The following PRKG1 variants were observed in gnomAD, a reference collection of about 807,000 sequenced individuals.
PRKG1 encodes the protein cGMP-dependent protein kinase 1.
Under a neutral mutation model 88.1 loss-of-function variants are expected in PRKG1, and 35 were observed. The observed-to-expected ratio is 0.40, with a 90% CI of 0.30 to 0.53. PRKG1 has a LOEUF of 0.53. Among genes scored for constraint, PRKG1 ranks in the 20% least tolerant of loss-of-function variants. The probability of loss-of-function intolerance (pLI) is 0.59; values close to 1 mark genes in which losing one functional copy is unlikely to be tolerated. For missense variants in PRKG1, 540 were observed against 839.8 expected, an observed-to-expected ratio of 0.64 and a Z score of 4.41; for synonymous variants, 303 against 292.5, an observed-to-expected ratio of 1.04 and a Z score of -0.37.
At chr10:51,631,884 A>C (rs548604038) in intron 3 of PRKG1, among the ~76,000 whole-genome samples, 2 of 152,146 alleles carry the variant, frequency 1.3e-5, no homozygotes, top group Admixed American at 1.3e-4. Flanking sequence ...TGTAACCAGT[A>C]CCTCTCCATG....
intron 3 of PRKG1, among the ~76,000 whole-genome samples, chr10:51,741,691 A>G (rs181719435): frequency 8.6e-4 from 130 of 151,418 alleles, no homozygotes; most frequent in African/African-American, 2.9e-3. Context: ...GGAGGGGAAT[A>G]TGGCTAGGAG....
rs191021046 is a variant in PRKG1 at position 51,706,710 on chromosome 10, T to C, written c.593-97875T>C. On this transcript the variant is annotated intron_variant, in intron 3 of 17. Coordinates refer to ENST00000373980, the MANE Select transcript of PRKG1 (RefSeq NM_006258.4). ...GGAATTAAGAGCACAGAGATTTTAA[T>C]GTCAGAATGACTTAGATTGGCTACC... 5.0e-3 allele frequency among the ~76,000 whole-genome samples: 762 copies of C among 152,310 alleles called. 8 individuals are homozygous for C. The highest frequency in any genetic ancestry group is 7.1e-3 in the Non-Finnish European group (480 of 68,024).
intron 4 of PRKG1, among the ~76,000 whole-genome samples, chr10:51,887,410 T>C (rs1295247982): frequency 6.6e-6 from 1 of 152,244 alleles, no homozygotes; most frequent in East Asian, 1.9e-4. Flanking sequence ...ATCTGAACTT[T>C]GATTCTTTTG....
chr10:51,053,221 C>G (rs1036795735), intron 1 of PRKG1, among the ~76,000 whole-genome samples: 31 of 147,390 alleles, frequency 2.1e-4, no homozygotes. Flanking sequence ...TAGCGCAAGA[C>G]TCTTGTCTCA....
chr10:52,234,189 G>A (rs1465652986), intron 9 of PRKG1, among the ~76,000 whole-genome samples: 1 of 152,110 alleles, frequency 6.6e-6, no homozygotes, highest in Non-Finnish European at 1.5e-5. Flanking sequence ...AAGACCAAAA[G>A]TAGATAAAAC....
At chr10:52,003,963 A>G (rs1844663985) in intron 5 of PRKG1, among the ~76,000 whole-genome samples, 1 of 152,184 alleles carries the variant, frequency 6.6e-6, no homozygotes, top group Non-Finnish European at 1.5e-5. Context: ...CAGTTTTCTC[A>G]TCTGTAAAAT....
At chr10:52,072,709 G>C (rs1460751837) in intron 7 of PRKG1, among the ~76,000 whole-genome samples, 3 of 152,044 alleles carry the variant, frequency 2.0e-5, no homozygotes, top group African/African-American at 7.2e-5. Flanking sequence ...AACGAATCCT[G>C]TTTGTTCTAC....
intron 14 of PRKG1, among the ~76,000 whole-genome samples, chr10:52,283,191 A>G (rs937074130): frequency 1.3e-5 from 2 of 152,126 alleles, no homozygotes; most frequent in Non-Finnish European, 2.9e-5. Flanking sequence ...GTGTTGTGGT[A>G]TTTAAGGAAA....
chr10:51,319,752 A>C (rs1036221653), intron 2 of PRKG1: 1 of 152,294 alleles, frequency 6.6e-6, no homozygotes, highest in African/African-American at 2.4e-5. Flanking sequence ...CTCTTCTAGC[A>C]AATACATGTA....
At chr10:51,805,350 A>T (rs974995103) in intron 4 of PRKG1, among the ~76,000 whole-genome samples, 1 of 152,004 alleles carries the variant, frequency 6.6e-6, no homozygotes, top group Non-Finnish European at 1.5e-5. Flanking sequence ...GAATACATTG[A>T]TACTCACTGA....
intron 1 of PRKG1, among the ~76,000 whole-genome samples, chr10:51,138,139 T>C (rs1427682018): frequency 6.6e-6 from 1 of 152,224 alleles, no homozygotes; most frequent in Non-Finnish European, 1.5e-5. Flanking sequence ...TGGTTAAAAT[T>C]ATCTATGAAC....
chr10:51,410,846 T>A (rs1451330748), intron 2 of PRKG1, among the ~76,000 whole-genome samples: 1 of 151,520 alleles, frequency 6.6e-6, no homozygotes, highest in African/African-American at 2.4e-5. Context: ...TATACACTTG[T>A]AGTCAAATAT....
intron 2 of PRKG1, among the ~76,000 whole-genome samples, chr10:51,232,881 G>A (rs1332898369): frequency 6.6e-6 from 1 of 152,152 alleles, no homozygotes; most frequent in Non-Finnish European, 1.5e-5. Flanking sequence ...TTCTAGCTAT[G>A]ATTAGTTAGT....
intron 2 of PRKG1, among the ~76,000 whole-genome samples, chr10:51,278,586 G>T (rs1042326990): frequency 6.6e-6 from 1 of 152,088 alleles, no homozygotes; most frequent in African/African-American, 2.4e-5. Context: ...TCTGGTCCTG[G>T]ACTTTTTTTG....
chr10:52,002,062 A>T (rs1844614180), intron 5 of PRKG1, among the ~76,000 whole-genome samples: 1 of 152,122 alleles, frequency 6.6e-6, no homozygotes, highest in African/African-American at 2.4e-5. Context: ...CCCATTTCCC[A>T]TCTCTTCACA....
rs184167066 is a variant in PRKG1 at position 51,809,735 on chromosome 10, T to G, written c.698+5045T>G. Among the ~76,000 whole-genome samples the G allele has an allele frequency of 8.6e-4, 131 of 152,304 alleles. 1 individual carries two copies. Among genetic ancestry groups the G allele is most frequent in the Admixed American group, 6.9e-3 (105 of 15,298 alleles). ...TGTTCACCCTCAGAAAATATTTTCT[T>G]TATCCACTTGGTAAGACAGATATGC... On this transcript the variant is annotated intron_variant, in intron 4 of 17. Transcript: ENST00000373980.
intron 3 of PRKG1, among the ~76,000 whole-genome samples, chr10:51,478,265 G>A (rs969341595): frequency 2.0e-5 from 3 of 152,082 alleles, no homozygotes; most frequent in African/African-American, 4.8e-5. Context: ...TCAGACAAAT[G>A]ACAAAAGTAG....
At chr10:51,759,551 G>A (rs886344831) in intron 3 of PRKG1, among the ~76,000 whole-genome samples, 2 of 152,184 alleles carry the variant, frequency 1.3e-5, no homozygotes, top group African/African-American at 4.8e-5. Flanking sequence ...TGGGATTACA[G>A]GTGTGAGACA....
At chr10:51,619,781 C>T (rs1205238394) in intron 3 of PRKG1, among the ~76,000 whole-genome samples, 3 of 152,056 alleles carry the variant, frequency 2.0e-5, no homozygotes, top group Non-Finnish European at 2.9e-5. Flanking sequence ...TCCTAAAGCA[C>T]ATTCATAGGT....
Sources: gnomAD v4.1 joint callset for allele counts (sites outside exome capture counted in the v4.1 genomes callset) on GRCh38, gnomAD v4.1.1 for gene constraint, MANE v1.5 for transcripts, NCBI Gene and HGNC (gene_info 2026-07-23, HGNC 2026-07-21) for gene names.